ATXN7L1: variants seen among roughly 807,000 people sequenced by gnomAD.
The protein encoded by ATXN7L1 is ataxin 7 like 1, also known as ataxin-7-like protein 1.
ATXN7L1 carries 15 observed loss-of-function variants against 70.8 expected under a neutral mutation model. The observed-to-expected ratio is 0.21, with a 90% CI of 0.14 to 0.33. ATXN7L1 has a LOEUF of 0.33. Ranked by LOEUF, ATXN7L1 falls within the 10% of genes least tolerant of loss-of-function variation. The probability of loss-of-function intolerance (pLI) is 1.00; values close to 1 mark genes in which losing one functional copy is unlikely to be tolerated. For missense variants in ATXN7L1, 975 were observed against 1,097.1 expected (o/e 0.89, Z 1.57); for synonymous variants, 440 against 445.1 (o/e 0.99, Z 0.14).
chr7:105,643,119 A>G lies in ATXN7L1; in HGVS notation c.581T>C (p.Val194Ala). The G allele has an allele frequency of 6.6e-7, 1 of 1,508,910 alleles. No individual in the cohort carries two copies. Among genetic ancestry groups the G allele is most frequent in the Non-Finnish European group, 8.9e-7 (1 of 1,124,500 alleles). 93.5% of individuals were successfully genotyped at this position (1,508,910 alleles called of 1,614,324 possible). A position where few individuals can be genotyped will look rare whatever the true frequency, so the allele number is the denominator to read the frequency against. ...PAKGSRDKPC[V>A]PVPVVSLEKI... Reference sequence around the variant, plus strand: ...CTCTAAACTGACTACAGGAACTGGAACACTGAAAAATAAATGAACAAACAC... The same window carrying G: ...CTCTAAACTGACTACAGGAACTGGAGCACTGAAAAATAAATGAACAAACAC... Residue 194 changes from valine to alanine, a missense_variant and splice_region_variant, in exon 5 of 12, where the codon GTT becomes GCT. Physicochemically the swap from Val to Ala is moderately conservative, Grantham distance 64. Transcript: ENST00000419735.
Position 105,608,785 on chromosome 7 carries a change from T to C in ATXN7L1, c.2548-895A>G, listed in dbSNP as rs1314935042. ...ATCTTTACCCAAACTCTACCCAAGA[T>C]TTGTGGGAAAATCCCAAAGGGCAAA... On this transcript the variant is annotated intron_variant, in intron 11 of 11. Coordinates refer to ENST00000419735, the MANE Select transcript of ATXN7L1 (RefSeq NM_020725.2). Among the ~76,000 whole-genome samples the C allele has an allele frequency of 3.3e-5, 5 of 152,206 alleles. No individual in the cohort carries two copies. In the South Asian group the frequency reaches 1.0e-3, roughly 32 times the overall value.
At chr7:105,628,717 C>T (rs1192591079) in intron 7 of ATXN7L1, among the ~76,000 whole-genome samples, 10 of 151,782 alleles carry the variant, frequency 6.6e-5, no homozygotes, top group East Asian at 1.9e-4. Flanking sequence ...GGCGTGAACC[C>T]GGGAGGCAGA....
intron 3 of ATXN7L1, among the ~76,000 whole-genome samples, chr7:105,746,058 C>A (rs1247642678): frequency 6.6e-6 from 1 of 152,170 alleles, no homozygotes; most frequent in East Asian, 1.9e-4. Context: ...GCTCATCTAA[C>A]CTCCTGTTGT....
chr7:105,641,222 T>C (rs1244572685), intron 5 of ATXN7L1, among the ~76,000 whole-genome samples: 5 of 116,228 alleles, frequency 4.3e-5, no homozygotes, highest in Non-Finnish European at 7.2e-5. Flanking sequence ...CTCTTTTTTT[T>C]TTTTTTTTTT....
Position 105,624,890 on chromosome 7 carries a change from C to G in ATXN7L1, c.1203-623G>C, listed in dbSNP as rs529475276. Among the ~76,000 whole-genome samples, 10 of 152,298 alleles carry G rather than the reference C, an allele frequency of 6.6e-5. No individual in the cohort carries two copies. In the South Asian group the frequency reaches 1.2e-3, roughly 19 times the overall value. The stretch of plus-strand genomic sequence containing the variant: ...AGATATGGGAACGTGACAAAGTGAA[C>G]TGAACCTACACCAGTCTTCTATGAA... On this transcript the variant is annotated intron_variant, in intron 7 of 11. Coordinates refer to ENST00000419735, the MANE Select transcript of ATXN7L1 (RefSeq NM_020725.2).
At chr7:105,825,164 A>C (rs957413180) in intron 2 of ATXN7L1, among the ~76,000 whole-genome samples, 2 of 152,236 alleles carry the variant, frequency 1.3e-5, no homozygotes, top group Non-Finnish European at 2.9e-5. Flanking sequence ...CCACCAAATT[A>C]CTAATCAAGT....
intron 4 of ATXN7L1, among the ~76,000 whole-genome samples, chr7:105,653,556 A>G (rs1800173555): frequency 6.6e-6 from 1 of 152,234 alleles, no homozygotes; most frequent in African/African-American, 2.4e-5. Context: ...CAGTCTGACC[A>G]AAGTCCACCT....
intron 3 of ATXN7L1, among the ~76,000 whole-genome samples, chr7:105,734,114 T>A (rs887479904): frequency 3.3e-5 from 5 of 152,214 alleles, no homozygotes; most frequent in African/African-American, 4.8e-5. Flanking sequence ...TAGTTGTAGC[T>A]CTGTAAAAAT....
chr7:105,760,401 C>G, intron 3 of ATXN7L1: 1 of 974,878 alleles, frequency 1.0e-6, no homozygotes, highest in Non-Finnish European at 1.2e-6. Context: ...TTATTTAAAA[C>G]AGCACAGCCA....
At chr7:105,652,118 G>A (rs1013109267) in intron 4 of ATXN7L1, among the ~76,000 whole-genome samples, 1 of 152,022 alleles carries the variant, frequency 6.6e-6, no homozygotes, top group Non-Finnish European at 1.5e-5. Flanking sequence ...AGTCAGAGAA[G>A]AGGAGAAGAT....
chr7:105,865,471 A>G (rs534206083), intron 2 of ATXN7L1, among the ~76,000 whole-genome samples: 1 of 150,808 alleles, frequency 6.6e-6, no homozygotes, highest in Non-Finnish European at 1.5e-5. Context: ...GCGCGATCTC[A>G]GCTCACTGCA....
intron 3 of ATXN7L1, among the ~76,000 whole-genome samples, chr7:105,772,787 C>T (rs1392723630): frequency 6.6e-6 from 1 of 152,178 alleles, no homozygotes; most frequent in Non-Finnish European, 1.5e-5. Flanking sequence ...ATATGGAATA[C>T]TGTACACAAG....
At chr7:105,675,603 G>A (rs1804516934) in intron 3 of ATXN7L1, among the ~76,000 whole-genome samples, 1 of 151,190 alleles carries the variant, frequency 6.6e-6, no homozygotes, top group African/African-American at 2.4e-5. Flanking sequence ...CTAGCCTGGT[G>A]ACAGAATGAG....
At chr7:105,650,481 C>T (rs895028852) in intron 4 of ATXN7L1, among the ~76,000 whole-genome samples, 15 of 152,216 alleles carry the variant, frequency 9.9e-5, no homozygotes, top group Non-Finnish European at 1.9e-4. Context: ...TCTCTCCTGG[C>T]CTTTGCACAG....
intron 7 of ATXN7L1, among the ~76,000 whole-genome samples, chr7:105,630,958 G>A (rs1796517407): frequency 6.6e-6 from 1 of 152,134 alleles, no homozygotes; most frequent in Admixed American, 6.5e-5. Flanking sequence ...TCTGGACCTT[G>A]TTATATCTGC....
chr7:105,729,603 T>C (rs963413700), intron 3 of ATXN7L1, among the ~76,000 whole-genome samples: 14 of 151,928 alleles, frequency 9.2e-5, no homozygotes, highest in African/African-American at 3.1e-4. Flanking sequence ...CTAATTTTTA[T>C]ATTTTTAGTA....
At chr7:105,649,270 G>A (rs557791820) in intron 4 of ATXN7L1, 2 of 753,588 alleles carry the variant, frequency 2.7e-6, no homozygotes, top group African/African-American at 1.9e-5. Context: ...GCTGCAGCCT[G>A]TTCCCCTGCT....
chr7:105,711,565 A>T lies in ATXN7L1; in HGVS notation c.356-46277T>A, dbSNP rs1455874513. Among the ~76,000 whole-genome samples the T allele has an allele frequency of 2.0e-5, 3 of 152,252 alleles. No individual in the cohort carries two copies. In the East Asian group the frequency reaches 5.8e-4, roughly 29 times the overall value. On this transcript the variant is annotated intron_variant, in intron 3 of 11. Coordinates refer to ENST00000419735, the MANE Select transcript of ATXN7L1 (RefSeq NM_020725.2). ...GCCCCATGCAAGTTTGAAACCTAGTAGGGCAGTCATTAAATCTTAAAGCTC... is the reference window on the plus strand; with the variant it reads ...GCCCCATGCAAGTTTGAAACCTAGTTGGGCAGTCATTAAATCTTAAAGCTC...
At chr7:105,798,117 C>T (rs568770252) in intron 2 of ATXN7L1, among the ~76,000 whole-genome samples, 2 of 152,284 alleles carry the variant, frequency 1.3e-5, no homozygotes, top group South Asian at 2.1e-4. Flanking sequence ...TCTTTGAGCT[C>T]CTTGGAAGAT....
Sources: allele counts gnomAD v4.1 joint callset (sites outside exome capture counted in the v4.1 genomes callset), GRCh38; gene constraint gnomAD v4.1.1; transcripts MANE v1.5; gene names NCBI Gene and HGNC (gene_info 2026-07-23, HGNC 2026-07-21).